The following CNTNAP2 variants were observed in gnomAD, a reference collection of about 807,000 sequenced individuals.
CNTNAP2 encodes contactin associated protein 2, also known as contactin-associated protein-like 2.
CNTNAP2 carries 98 observed loss-of-function variants against 155.2 expected under a neutral mutation model. That is an observed-to-expected ratio of 0.63 (90% CI 0.54 to 0.75). The LOEUF (loss-of-function observed/expected upper bound fraction) is 0.75. Ranked by LOEUF, CNTNAP2 falls within the 30% of genes least tolerant of loss-of-function variation. The probability of loss-of-function intolerance (pLI) is 0.00; values close to 1 mark genes in which losing one functional copy is unlikely to be tolerated. For missense variants in CNTNAP2, 1,727 were observed against 1,688.1 expected, an observed-to-expected ratio of 1.02 and a Z score of -0.40; for synonymous variants, 651 against 631.2, an observed-to-expected ratio of 1.03 and a Z score of -0.47.
intron 1 of CNTNAP2, among the ~76,000 whole-genome samples, chr7:146,437,793 TGA>T (rs1206429199): frequency 6.6e-6 from 1 of 151,546 alleles, no homozygotes; most frequent in Non-Finnish European, 1.5e-5. Flanking sequence ...CTCAAATTTG[TGA>T]GGAGTTATGG....
At chr7:147,985,991 A>C (rs750781692) in intron 15 of CNTNAP2, among the ~76,000 whole-genome samples, 4 of 151,970 alleles carry the variant, frequency 2.6e-5, no homozygotes, top group Non-Finnish European at 4.4e-5. Context: ...TAGACCCCTC[A>C]TTTCCTGCTT....
chr7:147,311,776 AG>A (rs1795132330), intron 9 of CNTNAP2, among the ~76,000 whole-genome samples: 1 of 152,252 alleles, frequency 6.6e-6, no homozygotes, highest in East Asian at 1.9e-4. Context: ...ACAAGTAGGT[AG>A]AGGAGATGAA....
intron 1 of CNTNAP2, among the ~76,000 whole-genome samples, chr7:146,693,138 AAG>A (rs1800725538): frequency 1.3e-5 from 2 of 152,152 alleles, no homozygotes; most frequent in South Asian, 4.1e-4. Flanking sequence ...CAAAAGATCC[AAG>A]AGAGAATAGT....
intron 1 of CNTNAP2, among the ~76,000 whole-genome samples, chr7:146,521,461 T>C (rs559734675): frequency 4.6e-5 from 7 of 152,098 alleles, no homozygotes; most frequent in Admixed American, 2.6e-4. Flanking sequence ...TACTTTTTTT[T>C]CCCTTAAATT....
chr7:148,141,215 T>C (rs1369958285), intron 16 of CNTNAP2, among the ~76,000 whole-genome samples: 66 of 152,244 alleles, frequency 4.3e-4, no homozygotes, highest in Non-Finnish European at 1.5e-4. Flanking sequence ...TTCCTACAAG[T>C]AGAGTGAAAC....
rs531124445 is a variant in CNTNAP2 at position 146,352,750 on chromosome 7, G to GTTTTTTTTTTTTTTTTTTTTTTTT, written c.97+235798_97+235799insTTTTTTTTTTTTTTTTTTTTTTTT. On this transcript the variant is annotated intron_variant, in intron 1 of 23. Transcript: ENST00000361727. ...TTATAATTTCAATTAGCATAATTCT[G>GTTTTTTTTTTTTTTTTTTTTTTTT]TTTTTTTTTTTTTTTTTTTTTCGAG... 1.4e-4 allele frequency among the ~76,000 whole-genome samples: 9 copies of GTTTTTTTTTTTTTTTTTTTTTTTT among 64,336 alleles called. 3 individuals are homozygous for GTTTTTTTTTTTTTTTTTTTTTTTT. Among genetic ancestry groups the GTTTTTTTTTTTTTTTTTTTTTTTT allele is most frequent in the Admixed American group, 4.8e-4 (2 of 4,192 alleles). The allele number at this position is 64,336 out of a possible 152,430, so 42.2% of individuals were successfully genotyped here.
At chr7:146,338,130 G>A (rs1444781506) in intron 1 of CNTNAP2, among the ~76,000 whole-genome samples, 1 of 152,158 alleles carries the variant, frequency 6.6e-6, no homozygotes, top group Non-Finnish European at 1.5e-5. Flanking sequence ...GGGGGAGACA[G>A]AGAGAAACTG....
At chr7:147,438,339 C>G (rs1214676244) in intron 10 of CNTNAP2, among the ~76,000 whole-genome samples, 1 of 152,002 alleles carries the variant, frequency 6.6e-6, no homozygotes, top group African/African-American at 2.4e-5. Flanking sequence ...TGAATTGTAT[C>G]AGATAATTTT....
chr7:146,367,170 G>A (rs563123031), intron 1 of CNTNAP2, among the ~76,000 whole-genome samples: 1 of 152,162 alleles, frequency 6.6e-6, no homozygotes, highest in African/African-American at 2.4e-5. Context: ...TATCATGGAT[G>A]CTCACATTTA....
chr7:147,710,859 T>G (rs181090779), intron 13 of CNTNAP2, among the ~76,000 whole-genome samples: 43 of 152,276 alleles, frequency 2.8e-4, no homozygotes, highest in African/African-American at 1.0e-3. Flanking sequence ...GTTCCATTTC[T>G]GAAGTGGAAA....
chr7:147,899,304 C>T (rs1274685616), intron 13 of CNTNAP2, among the ~76,000 whole-genome samples: 1 of 152,142 alleles, frequency 6.6e-6, no homozygotes, highest in Non-Finnish European at 1.5e-5. Context: ...TGCTCCACTG[C>T]ACTCCAGCCT....
chr7:148,188,293 A>G (rs1475861139), intron 18 of CNTNAP2, among the ~76,000 whole-genome samples: 1 of 152,134 alleles, frequency 6.6e-6, no homozygotes, highest in East Asian at 1.9e-4. Context: ...TGGTAATACC[A>G]TCTCTTTAAT....
At chr7:147,471,727 G>T (rs544798614) in intron 10 of CNTNAP2, among the ~76,000 whole-genome samples, 2 of 152,250 alleles carry the variant, frequency 1.3e-5, no homozygotes, top group East Asian at 3.9e-4. Flanking sequence ...AGTATTCTAG[G>T]CAAGGGATAA....
At chr7:147,734,616 G>T (rs1349759876) in intron 13 of CNTNAP2, among the ~76,000 whole-genome samples, 1 of 152,168 alleles carries the variant, frequency 6.6e-6, no homozygotes, top group Non-Finnish European at 1.5e-5. Flanking sequence ...TGTACCTCTG[G>T]TAGAATTTGG....
At chr7:147,599,771 C>G (rs1800908436) in intron 12 of CNTNAP2, among the ~76,000 whole-genome samples, 1 of 152,092 alleles carries the variant, frequency 6.6e-6, no homozygotes, top group African/African-American at 2.4e-5. Flanking sequence ...TATGAGGATA[C>G]CAGTCATTGG....
intron 13 of CNTNAP2, among the ~76,000 whole-genome samples, chr7:147,838,768 A>G (rs1333421245): frequency 3.3e-5 from 5 of 151,956 alleles, no homozygotes; most frequent in Admixed American, 1.3e-4. Context: ...ACTTTCCCAC[A>G]TTTTCCTGTC....
intron 8 of CNTNAP2, among the ~76,000 whole-genome samples, chr7:147,298,863 A>C (rs1794888356): frequency 6.6e-6 from 1 of 152,212 alleles, no homozygotes; most frequent in Admixed American, 6.5e-5. Flanking sequence ...AAAAGTAAAA[A>C]CCATTCTTAG....
At position 146,855,930 on chromosome 7, in the gene CNTNAP2, G is replaced by A. The variant is rs139456476; in HGVS notation, c.402+16026G>A. ...AACAAAAATATTGCAGTAACACTAA[G>A]CACACCTAAGATAGACTTTAATTAT... On this transcript the variant is annotated intron_variant, in intron 3 of 23. Transcript: ENST00000361727. Among the ~76,000 whole-genome samples, 1,241 of 147,840 alleles carry A rather than the reference G, an allele frequency of 8.4e-3. 14 individuals carry two copies. Among genetic ancestry groups the A allele is most frequent in the African/African-American group, 0.029 (1,181 of 40,164 alleles).
intron 1 of CNTNAP2, among the ~76,000 whole-genome samples, chr7:146,439,420 T>C (rs1796288900): frequency 6.6e-6 from 1 of 151,592 alleles, no homozygotes; most frequent in Non-Finnish European, 1.5e-5. Context: ...TAAGTATGAA[T>C]ATTCATCAAG....
Sources: gnomAD v4.1 joint callset for allele counts (sites outside exome capture counted in the v4.1 genomes callset) on GRCh38, gnomAD v4.1.1 for gene constraint, MANE v1.5 for transcripts, NCBI Gene and HGNC (gene_info 2026-07-23, HGNC 2026-07-21) for gene names.